Variants in DNAJC14 observed in about 807,000 individuals in gnomAD.
The protein encoded by DNAJC14 is DnaJ heat shock protein family (Hsp40) member C14, also known as dnaJ homolog subfamily C member 14.
DNAJC14 carries 12 observed loss-of-function variants against 68.8 expected under a neutral mutation model. The ratio of observed to expected loss-of-function variants is 0.17; its 90% confidence interval spans 0.11 to 0.28. The LOEUF is 0.28. Among genes scored for constraint, DNAJC14 ranks in the 10% least tolerant of loss-of-function variants. The pLI is 1.00. For synonymous variants in DNAJC14, 350 were observed against 321.5 expected, an observed-to-expected ratio of 1.09 and a Z score of -0.95; for missense variants, 764 against 875.6, an observed-to-expected ratio of 0.87 and a Z score of 1.61.
chr12:55,830,701 A>G (rs755656198), upstream of DNAJC14: 1 of 152,604 alleles, frequency 6.6e-6, no homozygotes, highest in East Asian at 1.9e-4. Flanking sequence ...CTTACCTGCT[A>G]TATAGTTGGG....
rs778101506 is a variant in DNAJC14, at chr12:55,822,629, A to G, written c.1738T>C (p.Leu580=). The part of the protein sequence containing the change: ...EGDFWAESSM[L]GLKITYFALM... ...GCAAAGTAGGTGATCTTGAGGCCCA[A>G]CATGCTTGACTCTGCCCAAAAGTCT... The change falls in exon 5 of 7, where the codon TTG becomes CTG. Residue 580 remains leucine, a synonymous_variant. Transcript: ENST00000678005. 10 of 1,614,208 alleles carry G rather than the reference A, an allele frequency of 6.2e-6. No individual in the cohort carries two copies. The South Asian group carries it at 1.1e-4, about 18-fold the overall frequency.
chr12:55,829,760 C>T (rs1001473614), upstream of DNAJC14: 1 of 261,188 alleles, frequency 3.8e-6, no homozygotes, highest in Non-Finnish European at 6.0e-6. Flanking sequence ...CTGGCCCCGC[C>T]ATTTAAAGGC....
In DNAJC14 at chr12:55,823,522, G is replaced by C. The variant is rs376121183; in HGVS notation, c.1408-14C>G. 87 of 1,608,798 alleles carry C rather than the reference G, an allele frequency of 5.4e-5. No individual in the cohort carries two copies. Among genetic ancestry groups the C allele is most frequent in the South Asian group, 2.3e-4 (21 of 90,944 alleles). The stretch of plus-strand genomic sequence containing the variant: ...GTCAGGATGAACCTACCAAGACAGA[G>C]AGATTTCATTACAAATCCATTCCAA... On this transcript the variant is annotated splice_polypyrimidine_tract_variant and intron_variant, in intron 2 of 6. Coordinates refer to ENST00000678005, the MANE Select transcript of DNAJC14 (RefSeq NM_032364.6).
Position 55,823,461 on chromosome 12 carries a change from C to G in DNAJC14, c.1455G>C (p.Lys485Asn). Reference protein sequence around the residue: ...NHHPRAEEAFKVLRAAWDIVS... With the variant: ...NHHPRAEEAFNVLRAAWDIVS... Reference sequence around the variant, plus strand: ...CAATGTCCCAAGCTGCTCGCAAAACCTTGAAGGCCTCCTCAGCCCGGGGAT... The same window carrying G: ...CAATGTCCCAAGCTGCTCGCAAAACGTTGAAGGCCTCCTCAGCCCGGGGAT... The change falls in exon 3 of 7, where the codon AAG (lysine) becomes AAC (asparagine). Residue 485 changes from lysine (K) to asparagine (N), a missense_variant. By Grantham distance (94) the Lys-to-Asn change is moderately conservative. Transcript: ENST00000678005. 6.2e-7 allele frequency: 1 copy of G among 1,614,162 alleles called. No homozygotes were observed. The highest frequency in any genetic ancestry group is 8.5e-7 in the Non-Finnish European group (1 of 1,180,042).
At position 55,823,482 on chromosome 12, in the gene DNAJC14, G is replaced by A. The variant is rs1880722794; in HGVS notation, c.1434C>T (p.Pro478=). The A allele has an allele frequency of 1.2e-6, 2 of 1,614,114 alleles. No individual in the cohort carries two copies. The highest frequency in any genetic ancestry group is 1.3e-5 in the African/African-American group (1 of 75,028). The change falls in exon 3 of 7, where the codon CCC becomes CCT. Residue 478 remains proline, a synonymous_variant. Transcript: ENST00000678005. Reference sequence around the variant, plus strand: ...AAACCTTGAAGGCCTCCTCAGCCCGGGGATGATGATTTTTGTCAGGATGAA... The same window carrying A: ...AAACCTTGAAGGCCTCCTCAGCCCGAGGATGATGATTTTTGTCAGGATGAA... ...VMVHPDKNHH[P]RAEEAFKVLR...
At chr12:55,824,383 A>G (rs908507979) in intron 2 of DNAJC14, among the ~76,000 whole-genome samples, 1 of 152,162 alleles carries the variant, frequency 6.6e-6, no homozygotes, top group Non-Finnish European at 1.5e-5. Context: ...GACTTTATGT[A>G]CTTTTCAGCC....
At chr12:55,823,749 G>A (rs1880728621) in intron 2 of DNAJC14, among the ~76,000 whole-genome samples, 1 of 145,028 alleles carries the variant, frequency 6.9e-6, no homozygotes, top group Non-Finnish European at 1.5e-5. Flanking sequence ...CTGTCACCCA[G>A]GCTAGAGTGC....
intron 4 of DNAJC14, 122 bp downstream of exon 4, chr12:55,822,948 G>A (rs1248105288): frequency 7.3e-6 from 11 of 1,498,210 alleles, no homozygotes; most frequent in Middle Eastern, 1.9e-4. Flanking sequence ...AGAAACTTAA[G>A]GGTCTTTTTA....
At position 55,823,430 on chromosome 12, in the gene DNAJC14, T is replaced by G; in HGVS notation, c.1486A>C (p.Asn496His). 2.5e-6 allele frequency: 4 copies of G among 1,614,200 alleles called. No individual in the cohort carries two copies. Among genetic ancestry groups the G allele is most frequent in the Non-Finnish European group, 3.4e-6 (4 of 1,180,040 alleles). The change falls in exon 3 of 7, where the codon AAT (asparagine) becomes CAT (histidine). Residue 496 changes from asparagine to histidine, a missense_variant. Physicochemically the swap from Asn to His is moderately conservative, Grantham distance 68 (BLOSUM62 1). This residue lies in a region of DNAJC14 where 110 missense variants were observed against 162.7 expected (regional missense o/e 0.68). Transcript: ENST00000678005. Reference protein sequence around the residue: ...VLRAAWDIVSNAEKRKEYEMK... With the variant: ...VLRAAWDIVSHAEKRKEYEMK... ...TCATACTCCTTTCGCTTTTCAGCATTGCTGACAATGTCCCAAGCTGCTCGC... is the reference window on the plus strand; with the variant it reads ...TCATACTCCTTTCGCTTTTCAGCATGGCTGACAATGTCCCAAGCTGCTCGC...
rs773792991 is a variant in DNAJC14 at position 55,828,354 on chromosome 12, C to T, written c.305G>A (p.Gly102Glu). 3.1e-6 allele frequency: 5 copies of T among 1,614,112 alleles called. No homozygotes were observed. The highest frequency in any genetic ancestry group is 2.5e-6 in the Non-Finnish European group (3 of 1,180,010). ...QSETSSEEES[G>E]VDQELSKENE... ...TTCTTTTGAGAGTTCCTGGTCCACT[C>T]CTGATTCTTCTTCTGAAGACGTCTC... The change falls in exon 2 of 7, where the codon GGA becomes GAA. Residue 102 changes from glycine (G) to glutamate (E), a missense_variant. Physicochemically the swap from Gly to Glu is moderately conservative, Grantham distance 98. Transcript: ENST00000678005.
Position 55,823,561 on chromosome 12 carries a change from T to C in DNAJC14, c.1408-53A>G, listed in dbSNP as rs551442589. The C allele has an allele frequency of 7.7e-4, 1,147 of 1,484,800 alleles. 1 individual carries two copies. The highest frequency in any genetic ancestry group is 3.5e-3 in the Middle Eastern group (20 of 5,796). 92.0% of individuals were successfully genotyped at this position (1,484,800 alleles called of 1,614,324 possible). A position where few individuals can be genotyped will look rare whatever the true frequency, so the allele number is the denominator to read the frequency against. ...AATCCATTCCAACCCTCTCCTCACC[T>C]TGAATTTATTCTCATATCAAAGGGT... On this transcript the variant is annotated intron_variant, in intron 2 of 6. Transcript: ENST00000678005.
chr12:55,822,497 A>G, intron 5 of DNAJC14, 22 bp from the exon 6 acceptor site: 1 of 1,613,774 alleles, frequency 6.2e-7, no homozygotes, highest in South Asian at 1.1e-5. Flanking sequence ...AGAAATAATT[A>G]GCCAAAACGT....
At chr12:55,825,542 C>CTTTTT (rs11375162) in intron 2 of DNAJC14, among the ~76,000 whole-genome samples, 2 of 122,042 alleles carry the variant, frequency 1.6e-5, no homozygotes, top group South Asian at 2.7e-4. Flanking sequence ...TGCACACCCT[C>CTTTTT]TTTTTTTTTT....
At chr12:55,830,628 G>A (rs1321143626), upstream of DNAJC14, 3 of 152,410 alleles carry the variant, frequency 2.0e-5, no homozygotes, top group African/African-American at 7.2e-5. Context: ...GAGAGCTTCC[G>A]GTTGTCATCT....
Position 55,829,551 on chromosome 12 carries a change from G to A in DNAJC14, c.-119C>T, listed in dbSNP as rs1880913787. On this transcript the variant is annotated 5_prime_UTR_variant, in exon 1 of 7. Coordinates refer to ENST00000678005, the MANE Select transcript of DNAJC14 (RefSeq NM_032364.6). ...GGCCTGGGGCCAGGGTGAGCTACGAGAGCCGCTCTCCCGGCTCCGCCTCCC... is the reference window on the plus strand; with the variant it reads ...GGCCTGGGGCCAGGGTGAGCTACGAAAGCCGCTCTCCCGGCTCCGCCTCCC... 3.0e-6 allele frequency: 3 copies of A among 985,028 alleles called. No individual in the cohort carries two copies. Among genetic ancestry groups the A allele is most frequent in the Non-Finnish European group, 3.6e-6 (3 of 829,926 alleles). 61.0% of individuals were successfully genotyped at this position (985,028 alleles called of 1,614,324 possible).
intron 3 of DNAJC14, 56 bp downstream of exon 3, chr12:55,823,346 T>TGC: frequency 1.2e-6 from 2 of 1,603,704 alleles, no homozygotes; most frequent in Non-Finnish European, 1.7e-6. Context: ...CAGATGCCTC[T>TGC]GCTATTGAGG....
rs370203322 is a variant in DNAJC14, at chr12:55,828,037, G to A, written c.622C>T (p.Arg208Trp). The change falls in exon 2 of 7, where the codon CGG (arginine) becomes TGG (tryptophan). Residue 208 changes from arginine to tryptophan, a missense_variant. Arg to Trp is a moderately radical substitution (Grantham distance 101). Around this residue, in one of 4 missense-constraint regions of DNAJC14, gnomAD observed 514 missense variants for 521.7 expected, o/e 0.99. Coordinates refer to ENST00000678005, the MANE Select transcript of DNAJC14 (RefSeq NM_032364.6). ...CTGGGATCCCTACGTCCACCCTCCC[G>A]AGTATCCTCCTTCGTTGGAAAGCGG... Reference protein sequence around the residue: ...RHRFPTKEDTREGGRRDPRSP... With the variant: ...RHRFPTKEDTWEGGRRDPRSP... 5 of 1,613,028 alleles carry A rather than the reference G, an allele frequency of 3.1e-6. No homozygotes were observed. The highest frequency in any genetic ancestry group is 1.1e-5 in the South Asian group (1 of 90,998).
In DNAJC14 at chr12:55,827,559, G is replaced by T. The variant is rs1249866490; in HGVS notation, c.1100C>A (p.Ser367Tyr). ...GWRDKATWLF[S>Y]WLDSPALQRC... ...CTGCAAGGCTGGAGAATCCAGCCAA[G>T]AGAAGAGCCAGGTAGCCTTATCCCT... Residue 367 changes from serine to tyrosine, a missense_variant, in exon 2 of 7, where the codon TCT becomes TAT. Transcript: ENST00000678005. 6.2e-7 allele frequency: 1 copy of T among 1,606,592 alleles called. No individual in the cohort carries two copies. Among genetic ancestry groups the T allele is most frequent in the Admixed American group, 1.7e-5 (1 of 59,802 alleles).
At chr12:55,828,774 T>C in intron 1 of DNAJC14, 60 bp from the exon 2 acceptor site, 2 of 1,417,514 alleles carry the variant, frequency 1.4e-6, no homozygotes, top group South Asian at 1.6e-5. Flanking sequence ...AATTAAACAA[T>C]CTCAAATAGT....
Sources: allele counts gnomAD v4.1 joint callset (sites outside exome capture counted in the v4.1 genomes callset), GRCh38; gene constraint gnomAD v4.1.1; regional missense constraint gnomAD v4.1.1; transcripts MANE v1.5; gene names NCBI Gene and HGNC (gene_info 2026-07-23, HGNC 2026-07-21).